DNAH3: variants seen among roughly 807,000 people sequenced by gnomAD.
DNAH3 encodes the protein axonemal beta dynein heavy chain 3.
DNAH3 carries 332 observed loss-of-function variants against 432.5 expected under a neutral mutation model. That is an observed-to-expected ratio of 0.77 (90% CI 0.70 to 0.84). DNAH3 has a LOEUF of 0.84. DNAH3 is among the 40% of genes least tolerant of loss of function. DNAH3 has a pLI of 0.00. For missense variants in DNAH3, 4,861 were observed against 5,114.0 expected (o/e 0.95, Z 1.51); for synonymous variants, 1,956 against 1,900.2 (o/e 1.03, Z -0.76).
At chr16:21,122,366 C>T (rs2092361846) in intron 9 of DNAH3, among the ~76,000 whole-genome samples, 1 of 152,000 alleles carries the variant, frequency 6.6e-6, no homozygotes, top group Non-Finnish European at 1.5e-5. Flanking sequence ...ATCAGCCTGG[C>T]CAACATGGTG....
chr16:21,099,911 T>TG (rs1263628953), intron 16 of DNAH3, among the ~76,000 whole-genome samples: 1 of 152,234 alleles, frequency 6.6e-6, no homozygotes, highest in Non-Finnish European at 1.5e-5. Context: ...TTAGACCATC[T>TG]GATACATGGC....
At chr16:20,959,033 G>A in intron 54 of DNAH3, 146 bp downstream of exon 54, 1 of 768,096 alleles carries the variant, frequency 1.3e-6, no homozygotes, top group Non-Finnish European at 2.1e-6. Flanking sequence ...TTTCCAAAGT[G>A]CTGGGATTAC....
intron 28 of DNAH3, 37 bp from the exon 29 acceptor site, chr16:21,051,905 C>CA: frequency 6.4e-7 from 1 of 1,571,198 alleles, no homozygotes; most frequent in Non-Finnish European, 8.8e-7. Context: ...GCACACAGAG[C>CA]CATCAGAACT....
chr16:21,049,074 G>A (rs552202718), intron 31 of DNAH3, among the ~76,000 whole-genome samples: 3 of 151,776 alleles, frequency 2.0e-5, no homozygotes, highest in South Asian at 2.1e-4. Flanking sequence ...GCTCACTTCA[G>A]CCTCGAACTC....
chr16:20,989,448 TAC>T (rs921318975), intron 44 of DNAH3, among the ~76,000 whole-genome samples: 1 of 152,044 alleles, frequency 6.6e-6, no homozygotes, highest in Non-Finnish European at 1.5e-5. Context: ...AGCAGCTAGA[TAC>T]AGAGTGTCGA....
intron 61 of DNAH3, 97 bp from the exon 62 acceptor site, chr16:20,933,604 G>A (rs527610277): frequency 1.1e-5 from 10 of 947,088 alleles, no homozygotes; most frequent in Non-Finnish European, 1.6e-5. Context: ...AGTGCAACCT[G>A]GTTGCAATAT....
intron 1 of DNAH3, among the ~76,000 whole-genome samples, chr16:21,149,146 T>C (rs1331441410): frequency 6.6e-6 from 1 of 151,722 alleles, no homozygotes; most frequent in Non-Finnish European, 1.5e-5. Context: ...GGAGAATCGC[T>C]TGAACCCAGA....
chr16:21,034,076 T>C, exon 36 of DNAH3: 3 of 1,609,770 alleles, frequency 1.9e-6, no homozygotes, highest in Middle Eastern at 1.7e-4. Context: ...ACCAGCATCA[T>C]TTCGTAGATC....
chr16:21,009,613 T>C (rs2087481055), intron 41 of DNAH3, among the ~76,000 whole-genome samples: 1 of 152,190 alleles, frequency 6.6e-6, no homozygotes, highest in South Asian at 2.1e-4. Flanking sequence ...GTGTGGTGGC[T>C]TATGCCTATA....
chr16:21,069,419 T>A (rs148139152), exon 23 of DNAH3: 7 of 1,613,312 alleles, frequency 4.3e-6, no homozygotes, highest in Non-Finnish European at 5.1e-6. Context: ...ACTTACCGCT[T>A]GGGACATAAG....
chr16:20,940,376 T>C (rs2083759165), intron 59 of DNAH3, among the ~76,000 whole-genome samples: 2 of 152,048 alleles, frequency 1.3e-5, no homozygotes, highest in Non-Finnish European at 2.9e-5. Context: ...TTTTCTTACT[T>C]GTAAAATGCT....
At chr16:20,961,933 G>A (rs543043859) in intron 53 of DNAH3, among the ~76,000 whole-genome samples, 1 of 151,732 alleles carries the variant, frequency 6.6e-6, no homozygotes, top group Admixed American at 6.6e-5. Flanking sequence ...GGCCGAGGTG[G>A]GTGGATCACT....
Position 21,059,987 on chromosome 16 carries a change from G to A in DNAH3, c.3813+277C>T, listed in dbSNP as rs544274541. 5.3e-5 allele frequency among the ~76,000 whole-genome samples: 8 copies of A among 152,180 alleles called. No individual in the cohort carries two copies. In the South Asian group the frequency reaches 8.3e-4, roughly 16 times the overall value. Reference sequence around the variant, plus strand: ...TTGGAAGGGACTCTAAATAGACTTCGTGCCATTAATCCCATTTGACAAAAA... The same window carrying A: ...TTGGAAGGGACTCTAAATAGACTTCATGCCATTAATCCCATTTGACAAAAA... On this transcript the variant is annotated intron_variant, in intron 26 of 61. Coordinates refer to ENST00000261383, the Ensembl canonical transcript of DNAH3.
At chr16:21,038,610 G>A (rs771800018) in intron 33 of DNAH3, among the ~76,000 whole-genome samples, 3 of 152,128 alleles carry the variant, frequency 2.0e-5, no homozygotes, top group Non-Finnish European at 2.9e-5. Context: ...AGGGGTCAGC[G>A]TTACCCTAAC....
In DNAH3 at chr16:21,022,748, AT is replaced by A. The variant is rs111992683; in HGVS notation, c.5647-649del. Among the ~76,000 whole-genome samples, 1,027 of 143,680 alleles carry A rather than the reference AT, an allele frequency of 7.1e-3. 5 individuals carry two copies. The highest frequency in any genetic ancestry group is 0.016 in the Admixed American group (226 of 14,338). 94.3% of individuals were successfully genotyped at this position (143,680 alleles called of 152,430 possible). ...AAAGATTTATTTATTTACTTACTAA[AT>A]TTTTTTTTTTTTTGAGACGGAGTTT... On this transcript the variant is annotated intron_variant, in intron 39 of 61. Transcript: ENST00000261383.
At chr16:21,001,505 C>T (rs1291571827) in intron 42 of DNAH3, among the ~76,000 whole-genome samples, 1 of 152,084 alleles carries the variant, frequency 6.6e-6, no homozygotes, top group Non-Finnish European at 1.5e-5. Context: ...TAGGTCTGTG[C>T]GACATAATGG....
chr16:20,963,145 G>A (rs546683994), intron 53 of DNAH3, 139 bp downstream of exon 53: 23 of 780,096 alleles, frequency 2.9e-5, no homozygotes, highest in African/African-American at 1.6e-4. Flanking sequence ...GACGAGTTCC[G>A]TGGCTCCACC....
At chr16:21,075,499 A>G (rs778668515) in exon 21 of DNAH3, 1 of 1,614,084 alleles carries the variant, frequency 6.2e-7, no homozygotes, top group East Asian at 2.2e-5. Flanking sequence ...ATCCAACTTC[A>G]TTCTATCCAA....
chr16:21,079,830 A>G (rs1381532018), intron 20 of DNAH3, among the ~76,000 whole-genome samples: 1 of 152,166 alleles, frequency 6.6e-6, no homozygotes, highest in African/African-American at 2.4e-5. Context: ...CTGCTCGTTA[A>G]TGAGGAACAT....
Sources: allele counts gnomAD v4.1 joint callset (sites outside exome capture counted in the v4.1 genomes callset), GRCh38; gene constraint gnomAD v4.1.1; transcripts MANE v1.5; gene names NCBI Gene and HGNC (gene_info 2026-07-23, HGNC 2026-07-21).